The following PTPRE variants were observed in gnomAD, a reference collection of about 807,000 sequenced individuals.
PTPRE encodes receptor-type tyrosine-protein phosphatase epsilon.
In PTPRE, 51 loss-of-function variants were observed where a neutral mutation model predicts 102.0. That is an observed-to-expected ratio of 0.50 (90% confidence interval 0.40 to 0.63). The LOEUF is 0.63. Among genes scored for constraint, PTPRE ranks in the 30% least tolerant of loss-of-function variants. The probability of loss-of-function intolerance (pLI) is 0.00; values close to 1 mark genes in which losing one functional copy is unlikely to be tolerated. For missense variants in PTPRE, 752 were observed against 915.1 expected, an observed-to-expected ratio of 0.82 and a Z score of 2.30; for synonymous variants, 345 against 348.2, an observed-to-expected ratio of 0.99 and a Z score of 0.10.
Position 128,047,475 on chromosome 10 carries a change from C to A in PTPRE, c.195C>A (p.Ala65=), listed in dbSNP as rs758524608. 1.6e-5 allele frequency: 26 copies of A among 1,613,426 alleles called. No homozygotes were observed. The highest frequency in any genetic ancestry group is 2.2e-5 in the Non-Finnish European group (26 of 1,180,036). ...TCCTCCTCCTCGTGCTCCTTCTCGC[C>A]GCCTACTTCTTCAGGTAGGAGTGTC... The part of the protein sequence containing the change: ...LLLLLLVLLL[A]AYFFRFRKQR... Residue 65 remains alanine, a synonymous_variant, in exon 4 of 21, where the codon GCC becomes GCA. Coordinates refer to ENST00000254667, the MANE Select transcript of PTPRE (RefSeq NM_006504.6).
chr10:127,965,434 G>A (rs548483185), intron 1 of PTPRE, among the ~76,000 whole-genome samples: 1 of 151,880 alleles, frequency 6.6e-6, no homozygotes, highest in Non-Finnish European at 1.5e-5. Context: ...TGGGGGTTTT[G>A]TTATAAGCCA....
chr10:128,024,404 G>A lies in PTPRE; in HGVS notation c.-7-16471G>A, dbSNP rs867191720. On this transcript the variant is annotated intron_variant, in intron 2 of 20. Coordinates refer to ENST00000254667, the MANE Select transcript of PTPRE (RefSeq NM_006504.6). ...GTATGGCTTTAGGGTCTGAGAAAGC[G>A]TGCTTTCGAGAAGGTTCCTTGTGTC... Among the ~76,000 whole-genome samples the A allele has an allele frequency of 8.5e-5, 13 of 152,308 alleles. No homozygotes were observed. In the South Asian group the frequency reaches 1.0e-3, roughly 12 times the overall value.
chr10:128,074,530 G>A lies in PTPRE; in HGVS notation c.1599+1059G>A, dbSNP rs1235442317. On this transcript the variant is annotated intron_variant, in intron 17 of 20. Transcript: ENST00000254667. ...AAAATACAAAAATTAGCTGGGCATG[G>A]TGGCGGGAACCTGCAATCCCAGCTA... is the stretch of plus-strand genomic sequence containing the variant. Among the ~76,000 whole-genome samples, 7 of 152,230 alleles carry A rather than the reference G, an allele frequency of 4.6e-5. No individual in the cohort carries two copies. The East Asian group carries it at 1.3e-3, about 29-fold the overall frequency.
At chr10:128,000,732 G>A (rs539252608) in intron 2 of PTPRE, among the ~76,000 whole-genome samples, 4 of 152,262 alleles carry the variant, frequency 2.6e-5, no homozygotes, top group Admixed American at 6.5e-5. Context: ...GTTTATCCCT[G>A]AACCTTGGTT....
At chr10:128,017,970 G>A (rs185965684) in intron 2 of PTPRE, among the ~76,000 whole-genome samples, 31 of 152,324 alleles carry the variant, frequency 2.0e-4, no homozygotes, top group Admixed American at 1.1e-3. Flanking sequence ...GACAGGTGAG[G>A]GATAAAGTAC....
At position 127,952,565 on chromosome 10, in the gene PTPRE, A is replaced by G. The variant is rs191927517; in HGVS notation, c.-30-29709A>G. On this transcript the variant is annotated intron_variant, in intron 1 of 20. Coordinates refer to ENST00000254667, the MANE Select transcript of PTPRE (RefSeq NM_006504.6). The stretch of plus-strand genomic sequence containing the variant: ...CAACAAAATGCAGCAAGACAACCCT[A>G]ATAAAAATCACCTACAGCCCCTACC... Among the ~76,000 whole-genome samples the G allele has an allele frequency of 1.2e-4, 18 of 152,246 alleles. No individual in the cohort carries two copies. The East Asian group carries it at 3.5e-3, about 29-fold the overall frequency.
chr10:127,924,817 T>C (rs529268015), intron 1 of PTPRE, among the ~76,000 whole-genome samples: 5 of 152,338 alleles, frequency 3.3e-5, no homozygotes, highest in South Asian at 4.1e-4. Flanking sequence ...AATCTAGAAG[T>C]TATGGAGCAT....
rs72479333 is a variant in PTPRE at position 127,938,847 on chromosome 10, G to T, written c.-31+31538G>T. On this transcript the variant is annotated intron_variant, in intron 1 of 20. Transcript: ENST00000254667. Reference sequence around the variant, plus strand: ...CAATATCTTCATCCTCAGGACCCAGGTCTCTCTTCTCTGACCCTGCCTGGA... The same window carrying T: ...CAATATCTTCATCCTCAGGACCCAGTTCTCTCTTCTCTGACCCTGCCTGGA... Among the ~76,000 whole-genome samples, 447 of 152,188 alleles carry T rather than the reference G, an allele frequency of 2.9e-3. 8 individuals carry two copies. The East Asian group carries it at 0.032, about 11-fold the overall frequency.
chr10:128,058,629 C>T (rs114910119), intron 7 of PTPRE, among the ~76,000 whole-genome samples: 336 of 152,308 alleles, frequency 2.2e-3, no homozygotes, highest in African/African-American at 7.9e-3. Context: ...GCTGAAGGGA[C>T]ATTGGGCAGG....
intron 1 of PTPRE, chr10:127,965,123 C>A: frequency 2.7e-6 from 1 of 373,726 alleles, no homozygotes. Flanking sequence ...TACAAGTTGG[C>A]TTTTTTACTT....
Position 128,047,406 on chromosome 10 carries a change from C to T in PTPRE, c.126C>T (p.Gly42=), listed in dbSNP as rs199790120. The T allele has an allele frequency of 3.0e-5, 49 of 1,612,908 alleles. No individual in the cohort carries two copies. The Middle Eastern group carries it at 6.9e-4, about 23-fold the overall frequency. Residue 42 remains glycine (G), a synonymous_variant, in exon 4 of 21, where the codon GGC becomes GGT. Coordinates refer to ENST00000254667, the MANE Select transcript of PTPRE (RefSeq NM_006504.6). ...CTCCTGCAGGCCCTCCGGACCCGGG[C>T]GCCTCCCAGCCGCTGCTGGCCTGGC... ...TTTTSGPPDP[G]ASQPLLAWLL... is the part of the protein sequence containing the mutation.
chr10:127,959,803 C>A (rs1849667652), intron 1 of PTPRE, among the ~76,000 whole-genome samples: 1 of 152,158 alleles, frequency 6.6e-6, no homozygotes, highest in African/African-American at 2.4e-5. Flanking sequence ...CTGTAAAGTG[C>A]AAATAATATG....
chr10:128,066,102 C>T lies in PTPRE; in HGVS notation c.751C>T (p.Gln251Ter), dbSNP rs776560584. The change falls in exon 11 of 21, where the codon CAA becomes TAA. Residue 251 changes from glutamine to a stop codon, truncating the protein, a stop_gained. Transcript: ENST00000254667. LOFTEE classifies it high-confidence loss of function. The stretch of plus-strand genomic sequence containing the variant: ...AAAGTGCCATCAGTACTGGCCCGAC[C>T]AAGGCTGCTGGACCTATGGAAACAT... ...EEKCHQYWPD[Q>*]GCWTYGNIRV... The T allele has an allele frequency of 6.2e-7, 1 of 1,614,196 alleles. No homozygotes were observed. Among genetic ancestry groups the T allele is most frequent in the South Asian group, 1.1e-5 (1 of 91,088 alleles).
At chr10:128,014,178 C>G (rs1845241464) in intron 2 of PTPRE, among the ~76,000 whole-genome samples, 1 of 152,132 alleles carries the variant, frequency 6.6e-6, no homozygotes, top group Non-Finnish European at 1.5e-5. Flanking sequence ...TGGCAGGGAC[C>G]CCAGCTCCAC....
intron 1 of PTPRE, among the ~76,000 whole-genome samples, chr10:127,943,570 A>G (rs1477212374): frequency 6.6e-6 from 1 of 152,154 alleles, no homozygotes; most frequent in African/African-American, 2.4e-5. Context: ...TGCGGTGGTC[A>G]TGGGGAAGCT....
chr10:128,023,148 A>T (rs974526780), intron 2 of PTPRE, among the ~76,000 whole-genome samples: 1 of 152,186 alleles, frequency 6.6e-6, no homozygotes, highest in African/African-American at 2.4e-5. Context: ...CTTCCATGAC[A>T]GTATATTGTT....
chr10:127,954,221 T>A (rs1849237915), intron 1 of PTPRE, among the ~76,000 whole-genome samples: 1 of 152,150 alleles, frequency 6.6e-6, no homozygotes, highest in Non-Finnish European at 1.5e-5. Context: ...CTCAACAACA[T>A]GGACTTCTAC....
At chr10:128,057,650 T>C (rs944682572) in intron 7 of PTPRE, among the ~76,000 whole-genome samples, 2 of 152,244 alleles carry the variant, frequency 1.3e-5, no homozygotes, top group African/African-American at 2.4e-5. Context: ...CATGATCCAA[T>C]GAAAACTGGG....
chr10:128,047,736 GA>G (rs1482170385), intron 4 of PTPRE, 27 bp from the exon 5 acceptor site: 1 of 1,613,116 alleles, frequency 6.2e-7, no homozygotes, highest in South Asian at 1.1e-5. Flanking sequence ...TAGAAGTGTG[GA>G]AACCTAACGC....
Sources: allele counts gnomAD v4.1 joint callset (sites outside exome capture counted in the v4.1 genomes callset), GRCh38; gene constraint gnomAD v4.1.1; transcripts MANE v1.5; gene names NCBI Gene and HGNC (gene_info 2026-07-23, HGNC 2026-07-21).